Variants in LTK observed in about 807,000 individuals in gnomAD.
LTK encodes leukocyte tyrosine kinase receptor.
In LTK, 117 loss-of-function variants were observed where a neutral mutation model predicts 101.5. The observed-to-expected ratio is 1.15, with a 90% CI of 0.99 to 1.34. LTK has a LOEUF of 1.34. Among genes scored for constraint, LTK ranks in the 40% most tolerant of loss-of-function variants. The pLI is 0.00. For missense variants in LTK, 1,252 were observed against 1,164.7 expected (o/e 1.07, Z -1.09); for synonymous variants, 563 against 494.2 (o/e 1.14, Z -1.85).
At position 41,504,610 on chromosome 15, in the gene LTK, G is replaced by C. The variant is rs745512201; in HGVS notation, c.2151C>G (p.Phe717Leu). The C allele has an allele frequency of 6.2e-7, 1 of 1,613,626 alleles. No homozygotes were observed. Among genetic ancestry groups the C allele is most frequent in the Non-Finnish European group, 8.5e-7 (1 of 1,179,966 alleles). ...WSFGVLLWEI[F>L]SLGYMPYPGR... ...CAGGATAGGGCATGTAGCCCAGTGA[G>C]AAGATCTCCCAGAGCAGCACCCCAA... The change falls in exon 18 of 20, where the codon TTC (phenylalanine) becomes TTG (leucine). Residue 717 changes from phenylalanine (F) to leucine (L), a missense_variant. Physicochemically the swap from Phe to Leu is conservative, Grantham distance 22 (BLOSUM62 0). Coordinates refer to ENST00000263800, the MANE Select transcript of LTK (RefSeq NM_002344.6).
chr15:41,510,210 A>G (rs1191386518), intron 7 of LTK, among the ~76,000 whole-genome samples: 3 of 150,136 alleles, frequency 2.0e-5, no homozygotes, highest in African/African-American at 7.3e-5. Context: ...GTTTCACCAT[A>G]TTGGCCAGGC....
chr15:41,512,355 A>G, intron 3 of LTK, 90 bp from the exon 4 acceptor site: 1 of 1,267,984 alleles, frequency 7.9e-7, no homozygotes, highest in Non-Finnish European at 1.1e-6. Context: ...CTCCAGAATT[A>G]TTTTTTATCT....
At position 41,505,930 on chromosome 15, in the gene LTK, C is replaced by A; in HGVS notation, c.1617G>T (p.Leu539=). The A allele has an allele frequency of 6.2e-7, 1 of 1,613,752 alleles. No homozygotes were observed. The highest frequency in any genetic ancestry group is 8.5e-7 in the Non-Finnish European group (1 of 1,179,716). ...CTCCTCTCACCTTGATAGCTACCTG[C>A]AGGGGACTGGAGTCCCCAGGAAGGC... The part of the protein sequence containing the change: ...VIGLPGDSSP[L]QVAIKTLPEL... The change falls in exon 12 of 20, where the codon CTG becomes CTT. Residue 539 remains leucine, a synonymous_variant. Coordinates refer to ENST00000263800, the MANE Select transcript of LTK (RefSeq NM_002344.6).
chr15:41,506,019 C>A lies in LTK; in HGVS notation c.1542-14G>T. The A allele has an allele frequency of 4.4e-6, 7 of 1,596,928 alleles. No homozygotes were observed. Among genetic ancestry groups the A allele is most frequent in the Admixed American group, 1.7e-5 (1 of 59,862 alleles). ...TGGCCCAGGGCTCTGCAGGAAGACA[C>A]GTTGGAAGGGAGTGGGCAGGCGGCC... is the stretch of plus-strand genomic sequence containing the variant. On this transcript the variant is annotated splice_polypyrimidine_tract_variant and intron_variant, in intron 11 of 19. Coordinates refer to ENST00000263800, the MANE Select transcript of LTK (RefSeq NM_002344.6).
At chr15:41,510,799 T>C (rs1210345920) in intron 7 of LTK, among the ~76,000 whole-genome samples, 1 of 152,144 alleles carries the variant, frequency 6.6e-6, no homozygotes, top group Non-Finnish European at 1.5e-5. Flanking sequence ...TGTGGGGATA[T>C]TACCTGTTCC....
intron 1 of LTK, 129 bp downstream of exon 1, chr15:41,513,538 G>T: frequency 1.2e-6 from 1 of 854,012 alleles, no homozygotes; most frequent in Non-Finnish European, 2.0e-6. Flanking sequence ...GCACGGACCG[G>T]AGAAATTTGG....
At position 41,511,835 on chromosome 15, in the gene LTK, G is replaced by GGCCCCCCCCCCCC; in HGVS notation, c.638_639insGGGGGGGGGGGGC (p.Ala214GlyfsTer131). 2.7e-6 allele frequency: 4 copies of GGCCCCCCCCCCCC among 1,477,286 alleles called. No individual in the cohort carries two copies. Among genetic ancestry groups the GGCCCCCCCCCCCC allele is most frequent in the African/African-American group, 1.5e-5 (1 of 66,862 alleles). The allele number at this position is 1,477,286 out of a possible 1,614,324, so 91.5% of individuals were successfully genotyped here. A position where few individuals can be genotyped will look rare whatever the true frequency, so the allele number is the denominator to read the frequency against. On this transcript the variant is annotated frameshift_variant, in exon 5 of 20. Transcript: ENST00000263800. LOFTEE classifies it high-confidence loss of function. The surrounding 1 kb of genome is among the most constrained non-coding windows in gnomAD (Gnocchi z 5.9). ...CACGTACCCGGAAAACGTAGGTGGC[G>GGCCCCCCCCCCCC]CCCCCGCCACCCCCGCCACCTCCCG...
rs779344025 is a variant in LTK at position 41,504,126 on chromosome 15, T to A, written c.2465A>T (p.Glu822Val). ...GCTTTTCAACTTCTCTGGACTCAGT[T>A]CCTGGGGCTGTGGGGGTCTTAGGCA... ...LECLRPPQPQ[E>V]LSPEKLKSWG... Residue 822 changes from glutamate to valine, a missense_variant, in exon 20 of 20, where the codon GAA becomes GTA. Physicochemically the swap from Glu to Val is moderately radical, Grantham distance 121. Coordinates refer to ENST00000263800, the MANE Select transcript of LTK (RefSeq NM_002344.6). 6.2e-7 allele frequency: 1 copy of A among 1,614,088 alleles called. No homozygotes were observed. The highest frequency in any genetic ancestry group is 8.5e-7 in the Non-Finnish European group (1 of 1,180,006).
chr15:41,505,790 A>C lies in LTK; in HGVS notation c.1633-13T>G, dbSNP rs1225785594. ...GTTCTGGCAGGGTCTGGGGAGGAAA[A>C]GGGCACAGTTTCTGAGCTGCCCTGC... On this transcript the variant is annotated splice_polypyrimidine_tract_variant and intron_variant, in intron 12 of 19. Transcript: ENST00000263800. The C allele has an allele frequency of 1.9e-6, 3 of 1,613,342 alleles. No homozygotes were observed. The highest frequency in any genetic ancestry group is 1.7e-5 in the Admixed American group (1 of 59,960).
chr15:41,505,638 G>C (rs553527457), intron 13 of LTK, 75 bp downstream of exon 13: 3 of 1,604,078 alleles, frequency 1.9e-6, no homozygotes, highest in East Asian at 2.2e-5. Flanking sequence ...TGCTACCTCA[G>C]CCTCAGGGTG....
Position 41,513,744 on chromosome 15 carries a change from C to G in LTK, c.-35G>C. The G allele has an allele frequency of 6.3e-7, 1 of 1,598,006 alleles. No individual in the cohort carries two copies. Among genetic ancestry groups the G allele is most frequent in the African/African-American group, 1.3e-5 (1 of 74,730 alleles). ...GTCCACCCGGCAACAAAAGCCCTTG[C>G]GGTCGCGGCCACACCCCTGTCAACC... On this transcript the variant is annotated 5_prime_UTR_variant, in exon 1 of 20. Transcript: ENST00000263800.
In LTK at chr15:41,511,966, G is replaced by A. The variant is rs2051483515; in HGVS notation, c.511-3C>T. 6.8e-7 allele frequency: 1 copy of A among 1,473,384 alleles called. No individual in the cohort carries two copies. Among genetic ancestry groups the A allele is most frequent in the Non-Finnish European group, 8.9e-7 (1 of 1,123,586 alleles). The allele number at this position is 1,473,384 out of a possible 1,614,324, so 91.3% of individuals were successfully genotyped here. On this transcript the variant is annotated splice_region_variant and splice_polypyrimidine_tract_variant and intron_variant, in intron 4 of 19. Transcript: ENST00000263800. The surrounding 1 kb of genome is among the most constrained non-coding windows in gnomAD (Gnocchi z 5.9). ...ACGAGCTGGCTCTCCGGGCTACCCT[G>A]CGGGCAGCGGGGGAGGGAATCGGCG...
In LTK at chr15:41,503,863, C is replaced by G; in HGVS notation, c.*133G>C. 2 of 1,126,488 alleles carry G rather than the reference C, an allele frequency of 1.8e-6. No individual in the cohort carries two copies. The highest frequency in any genetic ancestry group is 2.5e-6 in the Non-Finnish European group (2 of 813,248). 69.8% of individuals were successfully genotyped at this position (1,126,488 alleles called of 1,614,324 possible). On this transcript the variant is annotated 3_prime_UTR_variant, in exon 20 of 20. Transcript: ENST00000263800. ...AAGTGCAGCGCTGCCAGGCCAGCCC[C>G]GAGACAGGCCCAGACACACAGCACA...
intron 10 of LTK, 36 bp downstream of exon 10, chr15:41,507,526 G>C: frequency 6.2e-7 from 1 of 1,607,020 alleles, no homozygotes; most frequent in Non-Finnish European, 8.5e-7. Context: ...GAGAGGAGCA[G>C]CCTTGAATCA....
rs138393348 is a variant in LTK, at chr15:41,504,984, C to T, written c.2006G>A (p.Arg669Gln). ...VAKIGDFGMA[R>Q]DIYRASYYRR... is the part of the protein sequence containing the mutation. Reference sequence around the variant, plus strand: ...CCAAGTCCCGCACCGGTAGATATCTCGTGCCATCCCAAAGTCCCCAATCTT... The same window carrying T: ...CCAAGTCCCGCACCGGTAGATATCTTGTGCCATCCCAAAGTCCCCAATCTT... Residue 669 changes from arginine to glutamine, a missense_variant, in exon 16 of 20, where the codon CGA (arginine) becomes CAA (glutamine). By Grantham distance (43) the Arg-to-Gln change is conservative. Transcript: ENST00000263800. 8.3e-5 allele frequency: 133 copies of T among 1,611,856 alleles called. No individual in the cohort carries two copies. The highest frequency in any genetic ancestry group is 5.1e-4 in the East Asian group (23 of 44,862).
rs904622987 is a variant in LTK at position 41,509,021 on chromosome 15, G to A, written c.1096+10C>T. ...CAGGCCAGGCTCAGAGGTGGGGTTG[G>A]GGCCAATACCTGCCAGAGGCTGCAG... On this transcript the variant is annotated intron_variant, in intron 8 of 19. Transcript: ENST00000263800. 2 of 1,591,326 alleles carry A rather than the reference G, an allele frequency of 1.3e-6. No homozygotes were observed. Among genetic ancestry groups the A allele is most frequent in the Non-Finnish European group, 1.7e-6 (2 of 1,166,828 alleles).
Position 41,507,037 on chromosome 15 carries a change from A to G in LTK, c.1541+58T>C, listed in dbSNP as rs2051307266. The G allele has an allele frequency of 1.5e-5, 23 of 1,489,204 alleles. No homozygotes were observed. The South Asian group carries it at 2.8e-4, about 18-fold the overall frequency. 92.2% of individuals were successfully genotyped at this position (1,489,204 alleles called of 1,614,324 possible). On this transcript the variant is annotated intron_variant, in intron 11 of 19. Coordinates refer to ENST00000263800, the MANE Select transcript of LTK (RefSeq NM_002344.6). ...ACTTATAATTCACTACAGCAGGGAG[A>G]GAATCAGAGGTGGGGATTCAGAGTG...
chr15:41,506,450 A>G (rs1056597201), intron 11 of LTK, among the ~76,000 whole-genome samples: 2 of 152,228 alleles, frequency 1.3e-5, no homozygotes, highest in Non-Finnish European at 2.9e-5. Context: ...GACTACAGGC[A>G]AGCGCCACAA....
chr15:41,507,348 C>T lies in LTK; in HGVS notation c.1346-58G>A, dbSNP rs767430012. 31 of 1,509,096 alleles carry T rather than the reference C, an allele frequency of 2.1e-5. No homozygotes were observed. In the African/African-American group the frequency reaches 2.6e-4, roughly 13 times the overall value. The allele number at this position is 1,509,096 out of a possible 1,614,324, so 93.5% of individuals were successfully genotyped here. The stretch of plus-strand genomic sequence containing the variant: ...ACCTGCCCATCAACTCTCCCTCCCC[C>T]ACCTGCCCAGGACACCCCTCCAGAT... On this transcript the variant is annotated intron_variant, in intron 10 of 19. Coordinates refer to ENST00000263800, the MANE Select transcript of LTK (RefSeq NM_002344.6).
Sources: allele counts gnomAD v4.1 joint callset (sites outside exome capture counted in the v4.1 genomes callset), GRCh38; gene constraint gnomAD v4.1.1; non-coding constraint Gnocchi (gnomAD v3.1); transcripts MANE v1.5; gene names NCBI Gene and HGNC (gene_info 2026-07-23, HGNC 2026-07-21).